Variants in NSD3 observed in about 807,000 individuals in gnomAD.
The protein encoded by NSD3 is histone-lysine N-methyltransferase NSD3.
NSD3 carries 24 observed loss-of-function variants against 160.8 expected under a neutral mutation model. That is an observed-to-expected ratio of 0.15 (90% confidence interval 0.11 to 0.21). The LOEUF is 0.21. Among genes scored for constraint, NSD3 ranks in the 10% least tolerant of loss-of-function variants. The pLI is 1.00. For missense variants in NSD3, 1,157 were observed against 1,735.9 expected, an observed-to-expected ratio of 0.67 and a Z score of 5.93; for synonymous variants, 520 against 600.0, an observed-to-expected ratio of 0.87 and a Z score of 1.95.
chr8:38,293,788 T>G (rs1369622147), intron 16 of NSD3, among the ~76,000 whole-genome samples: 1 of 151,234 alleles, frequency 6.6e-6, no homozygotes, highest in East Asian at 1.9e-4. Flanking sequence ...CCAGGCGTGG[T>G]GTCAGGTGCC....
intron 1 of NSD3, among the ~76,000 whole-genome samples, chr8:38,352,363 TGGGG>T (rs542954502): frequency 6.7e-6 from 1 of 149,428 alleles, no homozygotes; most frequent in East Asian, 2.1e-4. Context: ...TTTACATTGG[TGGGG>T]GGTGGGAGGG....
At chr8:38,298,563 G>C (rs1809209750) in intron 15 of NSD3, among the ~76,000 whole-genome samples, 1 of 151,024 alleles carries the variant, frequency 6.6e-6, no homozygotes, top group South Asian at 2.1e-4. Context: ...TGTGTGTATA[G>C]AGTATATTAG....
At chr8:38,299,997 G>A (rs1472450117) in intron 14 of NSD3, among the ~76,000 whole-genome samples, 1 of 151,752 alleles carries the variant, frequency 6.6e-6, no homozygotes, top group Non-Finnish European at 1.5e-5. Flanking sequence ...TACATAAGTA[G>A]ACCCTGATCT....
intron 4 of NSD3, among the ~76,000 whole-genome samples, chr8:38,336,472 A>T (rs1183727503): frequency 6.6e-6 from 1 of 152,182 alleles, no homozygotes; most frequent in African/African-American, 2.4e-5. Context: ...CAAATTTACA[A>T]GGATGCCCCA....
intron 7 of NSD3, among the ~76,000 whole-genome samples, chr8:38,325,610 G>C (rs565592580): frequency 1.3e-5 from 2 of 152,322 alleles, no homozygotes; most frequent in East Asian, 1.9e-4. Context: ...AATGGCTCAC[G>C]CCTATAATCC....
intron 1 of NSD3, among the ~76,000 whole-genome samples, chr8:38,365,268 A>G (rs1283770005): frequency 6.6e-6 from 1 of 152,302 alleles, no homozygotes; most frequent in East Asian, 1.9e-4. Flanking sequence ...GCCATGTTAT[A>G]TATCTTTCTC....
chr8:38,369,446 T>C (rs1811184154), intron 1 of NSD3, among the ~76,000 whole-genome samples: 1 of 152,232 alleles, frequency 6.6e-6, no homozygotes, highest in South Asian at 2.1e-4. Flanking sequence ...AAAGATTCTC[T>C]TCAGGTATTA....
chr8:38,332,323 G>A (rs932531661), intron 4 of NSD3, among the ~76,000 whole-genome samples: 1 of 151,508 alleles, frequency 6.6e-6, no homozygotes, highest in African/African-American at 2.4e-5. Context: ...TTTAAACTGA[G>A]ATGGGGTCTT....
At chr8:38,336,100 T>C (rs1166959106) in intron 4 of NSD3, 2 of 152,236 alleles carry the variant, frequency 1.3e-5, no homozygotes, top group Non-Finnish European at 2.9e-5. Flanking sequence ...AAATGTGCCT[T>C]GCCAGACATA....
chr8:38,313,347 A>G lies in NSD3; in HGVS notation c.2242+1300T>C, dbSNP rs563746803. Among the ~76,000 whole-genome samples the G allele has an allele frequency of 2.0e-5, 3 of 152,288 alleles. No individual in the cohort carries two copies. The East Asian group carries it at 5.8e-4, about 29-fold the overall frequency. ...CTGGAGTCCAGCTGCCTGGGTTTAAATCACAGAGTCATCATGGGCTATCTT... is the reference window on the plus strand; with the variant it reads ...CTGGAGTCCAGCTGCCTGGGTTTAAGTCACAGAGTCATCATGGGCTATCTT... On this transcript the variant is annotated intron_variant, in intron 12 of 23. Coordinates refer to ENST00000317025, the MANE Select transcript of NSD3 (RefSeq NM_023034.2).
chr8:38,303,906 T>C, intron 14 of NSD3, among the ~76,000 whole-genome samples: 1 of 152,360 alleles, frequency 6.6e-6, no homozygotes, highest in East Asian at 1.9e-4. Flanking sequence ...AAGCCAGATA[T>C]TCTGTATAAC....
intron 12 of NSD3, among the ~76,000 whole-genome samples, chr8:38,309,576 C>T (rs1411904933): frequency 6.6e-6 from 1 of 152,100 alleles, no homozygotes; most frequent in Non-Finnish European, 1.5e-5. Flanking sequence ...TCACCTGAGC[C>T]TGGGAGGTCA....
intron 14 of NSD3, chr8:38,303,199 C>T: frequency 1.0e-6 from 1 of 981,274 alleles, no homozygotes; most frequent in Non-Finnish European, 1.2e-6. Context: ...TTAAAAGACT[C>T]TAAAGCTAAA....
chr8:38,295,944 A>G lies in NSD3; in HGVS notation c.2767T>C (p.Leu923=). The part of the protein sequence containing the change: ...SKKKCEKGGR[L]LCCESCPASF... ...GCTGGGCACGATTCACAGCAGAGCA[A>G]TCTTCCACCTTGAAACAAATAAACA... Residue 923 remains leucine, a synonymous_variant, in exon 16 of 24, where the codon TTG becomes CTG. Transcript: ENST00000317025. 1.2e-6 allele frequency: 2 copies of G among 1,610,422 alleles called. No homozygotes were observed. The highest frequency in any genetic ancestry group is 1.7e-6 in the Non-Finnish European group (2 of 1,178,870).
At chr8:38,341,923 T>C (rs746547679) in intron 2 of NSD3, among the ~76,000 whole-genome samples, 2 of 151,982 alleles carry the variant, frequency 1.3e-5, no homozygotes, top group South Asian at 4.2e-4. Context: ...CCAGCCTGGG[T>C]GACAGAGTGA....
At chr8:38,368,392 GGAT>G (rs1369224090) in intron 1 of NSD3, among the ~76,000 whole-genome samples, 1 of 152,188 alleles carries the variant, frequency 6.6e-6, no homozygotes, top group Non-Finnish European at 1.5e-5. Context: ...GTTTAGAGAA[GGAT>G]GATGATTAAA....
At chr8:38,302,962 A>C (rs1470725663) in intron 14 of NSD3, among the ~76,000 whole-genome samples, 1 of 152,218 alleles carries the variant, frequency 6.6e-6, no homozygotes, top group Non-Finnish European at 1.5e-5. Context: ...AGGTATCCCA[A>C]TTATTGAATG....
rs911610803 is a variant in NSD3 at position 38,377,102 on chromosome 8, G to A, written c.-45+4697C>T. ...GAGTCTCGCTTTGCCTACCAGACTG[G>A]AGCGCAGTGGTACAATCTCAGCTCA... On this transcript the variant is annotated intron_variant, in intron 1 of 23. Coordinates refer to ENST00000317025, the MANE Select transcript of NSD3 (RefSeq NM_023034.2). Among the ~76,000 whole-genome samples, 17 of 152,138 alleles carry A rather than the reference G, an allele frequency of 1.1e-4. 1 individual carries two copies. Among genetic ancestry groups the A allele is most frequent in the Admixed American group, 1.3e-4 (2 of 15,272 alleles).
chr8:38,327,893 G>A (rs1026310305), intron 6 of NSD3, among the ~76,000 whole-genome samples: 9 of 152,268 alleles, frequency 5.9e-5, no homozygotes, highest in Admixed American at 6.5e-5. Context: ...GTAAAGAAGT[G>A]ATTTATAAAC....
Sources: gnomAD v4.1 joint callset for allele counts (sites outside exome capture counted in the v4.1 genomes callset) on GRCh38, gnomAD v4.1.1 for gene constraint, MANE v1.5 for transcripts, NCBI Gene and HGNC (gene_info 2026-07-23, HGNC 2026-07-21) for gene names.